TGFBI: variants seen among roughly 807,000 people sequenced by gnomAD.
TGFBI encodes the protein transforming growth factor beta induced, also known as transforming growth factor-beta-induced protein ig-h3.
A neutral mutation model predicts 73.7 loss-of-function variants in TGFBI; 50 were observed. That is an observed-to-expected ratio of 0.68 (90% confidence interval 0.54 to 0.86). The LOEUF is 0.86. TGFBI is among the 40% of genes least tolerant of loss of function. TGFBI has a pLI of 0.00. For missense variants in TGFBI, 839 were observed against 877.0 expected (o/e 0.96, Z 0.55); for synonymous variants, 362 against 360.5 (o/e 1.00, Z -0.05).
chr5:136,061,521 G>C lies in TGFBI; in HGVS notation c.1928G>C (p.Gly643Ala), dbSNP rs1188159642. ...QPPANRPQERGDELADSALEI... is the reference protein window; with the variant it reads ...QPPANRPQERADELADSALEI... The stretch of plus-strand genomic sequence containing the variant: ...TCAGCCAACAGACCTCAGGAAAGAG[G>C]GGATGAACTTGCAGACTCTGCGCTT... Residue 643 changes from glycine to alanine, a missense_variant, in exon 15 of 17, where the codon GGG (glycine) becomes GCG (alanine). Physicochemically the swap from Gly to Ala is moderately conservative, Grantham distance 60. Coordinates refer to ENST00000442011, the MANE Select transcript of TGFBI (RefSeq NM_000358.3). 3 of 1,609,828 alleles carry C rather than the reference G, an allele frequency of 1.9e-6. No homozygotes were observed. The highest frequency in any genetic ancestry group is 2.2e-5 in the East Asian group (1 of 44,736).
At chr5:136,030,224 A>C (rs943742324) in intron 1 of TGFBI, among the ~76,000 whole-genome samples, 1 of 152,140 alleles carries the variant, frequency 6.6e-6, no homozygotes, top group Non-Finnish European at 1.5e-5. Context: ...TCACACCCAC[A>C]AGCAATGCCC....
At chr5:136,052,757 G>T in intron 7 of TGFBI, 150 bp from the exon 8 acceptor site, 1 of 730,180 alleles carries the variant, frequency 1.4e-6, no homozygotes, top group Non-Finnish European at 2.2e-6. Context: ...GGCAGAAGGC[G>T]AGGAGGATCT....
Position 136,049,570 on chromosome 5 carries a change from A to G in TGFBI, c.903A>G (p.Glu301=). The change falls in exon 7 of 17, where the codon GAA becomes GAG. Residue 301 remains glutamate, a synonymous_variant. Transcript: ENST00000442011. ...TGAACCGTATCCTGGGCGACCCAGAAGCCCTGAGAGGTGAGCATCCTTTGG... is the reference window on the plus strand; with the variant it reads ...TGAACCGTATCCTGGGCGACCCAGAGGCCCTGAGAGGTGAGCATCCTTTGG... ...ETLNRILGDP[E]ALRDLLNNHI... 6.2e-7 allele frequency: 1 copy of G among 1,613,620 alleles called. No homozygotes were observed. The highest frequency in any genetic ancestry group is 8.5e-7 in the Non-Finnish European group (1 of 1,179,770).
Position 136,029,207 on chromosome 5 carries a change from G to T in TGFBI, c.134+18G>T. 1 of 1,460,606 alleles carries T rather than the reference G, an allele frequency of 6.8e-7. No individual in the cohort carries two copies. The highest frequency in any genetic ancestry group is 9.0e-7 in the Non-Finnish European group (1 of 1,111,192). The allele number at this position is 1,460,606 out of a possible 1,614,324, so 90.5% of individuals were successfully genotyped here. ...CAGCACGGGTAAGCCGAGCCGCCTGGCCAGGGGCTGCGGAAGGTCAGGTAG... is the reference window on the plus strand; with the variant it reads ...CAGCACGGGTAAGCCGAGCCGCCTGTCCAGGGGCTGCGGAAGGTCAGGTAG... On this transcript the variant is annotated intron_variant, in intron 1 of 16. Coordinates refer to ENST00000442011, the MANE Select transcript of TGFBI (RefSeq NM_000358.3).
intron 7 of TGFBI, among the ~76,000 whole-genome samples, chr5:136,051,597 G>T (rs1561612018): frequency 6.6e-6 from 1 of 152,190 alleles, no homozygotes. Context: ...CTGCAGACTG[G>T]AAGGAAGAGG....
chr5:136,058,089 C>T (rs1751683037), intron 12 of TGFBI, among the ~76,000 whole-genome samples: 1 of 152,100 alleles, frequency 6.6e-6, no homozygotes, highest in Non-Finnish European at 1.5e-5. Flanking sequence ...AAAGGACATC[C>T]CATGCACCCC....
intron 2 of TGFBI, among the ~76,000 whole-genome samples, chr5:136,041,720 C>G (rs1416540849): frequency 6.6e-6 from 1 of 152,120 alleles, no homozygotes; most frequent in Non-Finnish European, 1.5e-5. Flanking sequence ...CCTCCTAAAC[C>G]CCCAACCTCC....
chr5:136,039,170 C>G (rs1751285883), intron 2 of TGFBI, among the ~76,000 whole-genome samples: 1 of 152,218 alleles, frequency 6.6e-6, no homozygotes, highest in Non-Finnish European at 1.5e-5. Context: ...CAACTGACCA[C>G]TTAGTAAACA....
At chr5:136,062,764 G>A (rs1751771303) in intron 16 of TGFBI, 77 bp downstream of exon 16, 2 of 1,434,376 alleles carry the variant, frequency 1.4e-6, no homozygotes, top group Non-Finnish European at 1.9e-6. Context: ...CCTGCCATCT[G>A]CTGTATATAG....
chr5:136,032,333 A>G (rs559668277), intron 1 of TGFBI, among the ~76,000 whole-genome samples: 3 of 152,268 alleles, frequency 2.0e-5, no homozygotes, highest in East Asian at 1.9e-4. Context: ...TGAACAAAAA[A>G]CTGGCCAAGA....
chr5:136,046,256 GCTCT>G (rs1365824784), intron 3 of TGFBI, 75 bp from the exon 4 acceptor site: 12 of 1,548,642 alleles, frequency 7.7e-6, no homozygotes, highest in Non-Finnish European at 1.1e-5. Flanking sequence ...GATGTACCGT[GCTCT>G]CTGTCAGAGA....
chr5:136,060,642 G>A (rs997732499), intron 13 of TGFBI, among the ~76,000 whole-genome samples, 192 bp from the exon 14 acceptor site: 17 of 152,288 alleles, frequency 1.1e-4, no homozygotes, highest in African/African-American at 3.9e-4. Context: ...CCCAGGAGGC[G>A]GAGGTTGCAG....
At chr5:136,046,262 T>C in intron 3 of TGFBI, 73 bp from the exon 4 acceptor site, 1 of 1,576,928 alleles carries the variant, frequency 6.3e-7, no homozygotes, top group Non-Finnish European at 8.7e-7. Flanking sequence ...CCGTGCTCTC[T>C]GTCAGAGAAG....
intron 14 of TGFBI, chr5:136,061,291 G>A (rs1411006955): frequency 1.2e-5 from 7 of 601,448 alleles, no homozygotes; most frequent in Non-Finnish European, 3.0e-6. Flanking sequence ...TTGAACCTCA[G>A]TCCTGCCTCT....
Position 136,044,259 on chromosome 5 carries a change from C to T in TGFBI, c.298+137C>T, listed in dbSNP as rs1308541089. The T allele has an allele frequency of 1.2e-5, 9 of 748,008 alleles. No homozygotes were observed. The East Asian group carries it at 2.4e-4, about 20-fold the overall frequency. 46.3% of individuals were successfully genotyped at this position (748,008 alleles called of 1,614,324 possible). On this transcript the variant is annotated intron_variant, in intron 3 of 16. Transcript: ENST00000442011. Reference sequence around the variant, plus strand: ...ACATGGCATTCTCCCCACGTGCCCACTGGCCCCAGGCTCTATGCGAGGGGC... The same window carrying T: ...ACATGGCATTCTCCCCACGTGCCCATTGGCCCCAGGCTCTATGCGAGGGGC...
At chr5:136,047,979 A>G (rs1200285919) in intron 6 of TGFBI, 1 of 152,644 alleles carries the variant, frequency 6.6e-6, no homozygotes, top group African/African-American at 2.4e-5. Context: ...TTACAACTGG[A>G]GGGGAAGGCA....
At chr5:136,056,258 T>C (rs2074811) in intron 11 of TGFBI, among the ~76,000 whole-genome samples, 57,931 of 152,028 alleles carry the variant, frequency 0.38, 12,835 homozygotes, top group African/African-American at 0.62. Flanking sequence ...TCATTCACCT[T>C]GGGGTGCTGT....
In TGFBI at chr5:136,052,977, G is replaced by A; in HGVS notation, c.984G>A (p.Glu328=). The A allele has an allele frequency of 2.5e-6, 4 of 1,614,010 alleles. No homozygotes were observed. The South Asian group carries it at 3.3e-5, about 13-fold the overall frequency. ...CCATCGTTGCGGGGCTGTCTGTAGA[G>A]ACCCTGGAGGGCACGACACTGGAGG... is the stretch of plus-strand genomic sequence containing the variant. ...AEAIVAGLSV[E]TLEGTTLEVG... Residue 328 remains glutamate (E), a synonymous_variant, in exon 8 of 17, where the codon GAG becomes GAA. Transcript: ENST00000442011.
At chr5:136,033,125 C>A (rs1472571425) in intron 1 of TGFBI, among the ~76,000 whole-genome samples, 2 of 152,060 alleles carry the variant, frequency 1.3e-5, no homozygotes, top group Non-Finnish European at 2.9e-5. Flanking sequence ...GAAGAGACAC[C>A]CCCCACCTCC....
Sources: gnomAD v4.1 joint callset for allele counts (sites outside exome capture counted in the v4.1 genomes callset) on GRCh38, gnomAD v4.1.1 for gene constraint, MANE v1.5 for transcripts, NCBI Gene and HGNC (gene_info 2026-07-23, HGNC 2026-07-21) for gene names.